Variants in NIBAN1 observed in about 807,000 individuals in gnomAD.
NIBAN1 encodes niban apoptosis regulator 1.
Under a neutral mutation model 75.1 loss-of-function variants are expected in NIBAN1, and 81 were observed. The observed-to-expected ratio is 1.08, with a 90% CI of 0.90 to 1.30. The LOEUF is 1.30. Ranked by LOEUF, NIBAN1 falls within the 50% of genes most tolerant of loss-of-function variation. The pLI is 0.00. For missense variants in NIBAN1, 1,133 were observed against 1,128.1 expected (o/e 1.00, Z -0.06); for synonymous variants, 436 against 424.8 (o/e 1.03, Z -0.32).
intron 9 of NIBAN1, among the ~76,000 whole-genome samples, chr1:184,813,420 G>T (rs1450809522): frequency 6.6e-6 from 1 of 152,146 alleles, no homozygotes. Context: ...AATTATGCAG[G>T]TCAGATAATA....
intron 1 of NIBAN1, among the ~76,000 whole-genome samples, chr1:184,915,352 A>C (rs1460972737): frequency 6.6e-6 from 1 of 152,254 alleles, no homozygotes; most frequent in Non-Finnish European, 1.5e-5. Context: ...TGACATTTGT[A>C]AGCATTAGCA....
chr1:184,858,182 TA>T (rs911560620), intron 5 of NIBAN1, among the ~76,000 whole-genome samples: 1 of 151,732 alleles, frequency 6.6e-6, no homozygotes, highest in Non-Finnish European at 1.5e-5. Flanking sequence ...AATGGAGATA[TA>T]AAAAAGAGTT....
Position 184,890,115 on chromosome 1 carries a change from G to A in NIBAN1, c.426C>T (p.Asp142=). ...YNLLSDRHFP[D]PLASSEKENT... ...GAATGATCAGCAACTCACCAAGAGG[G>A]TCTGGGAAATGCCTGTCAGACAACA... is the stretch of plus-strand genomic sequence containing the variant. The change falls in exon 4 of 14, where the codon GAC becomes GAT. Residue 142 remains aspartate (D), a synonymous_variant. Coordinates refer to ENST00000367511, the MANE Select transcript of NIBAN1 (RefSeq NM_052966.4). The A allele has an allele frequency of 1.9e-6, 3 of 1,612,234 alleles. No individual in the cohort carries two copies. The highest frequency in any genetic ancestry group is 1.1e-5 in the South Asian group (1 of 91,016).
At chr1:184,919,193 A>G (rs1366518384) in intron 1 of NIBAN1, among the ~76,000 whole-genome samples, 1 of 152,230 alleles carries the variant, frequency 6.6e-6, no homozygotes, top group Admixed American at 6.5e-5. Flanking sequence ...GAAAACAAAC[A>G]AACAAAAAAA....
intron 1 of NIBAN1, among the ~76,000 whole-genome samples, chr1:184,928,053 A>T (rs1657725268): frequency 6.6e-6 from 1 of 152,016 alleles, no homozygotes; most frequent in Admixed American, 6.6e-5. Flanking sequence ...AGGGCTCTTT[A>T]GCCAGCAGGT....
intron 1 of NIBAN1, among the ~76,000 whole-genome samples, chr1:184,957,961 T>C (rs1658532561): frequency 6.6e-6 from 1 of 152,262 alleles, no homozygotes; most frequent in Non-Finnish European, 1.5e-5. Context: ...AAGGCTGCTT[T>C]GGGCTATTCA....
At chr1:184,886,319 G>A (rs1486139863) in intron 4 of NIBAN1, among the ~76,000 whole-genome samples, 2 of 152,152 alleles carry the variant, frequency 1.3e-5, no homozygotes, top group Non-Finnish European at 2.9e-5. Context: ...TTCCCGTGCT[G>A]TTCCCCTCCG....
chr1:184,794,799 C>A lies in NIBAN1; in HGVS notation c.*178G>T, dbSNP rs1054186154. 44 of 754,938 alleles carry A rather than the reference C, an allele frequency of 5.8e-5. No homozygotes were observed. The African/African-American group carries it at 6.5e-4, about 11-fold the overall frequency. 46.8% of individuals were successfully genotyped at this position (754,938 alleles called of 1,614,324 possible). On this transcript the variant is annotated 3_prime_UTR_variant, in exon 14 of 14. Coordinates refer to ENST00000367511, the MANE Select transcript of NIBAN1 (RefSeq NM_052966.4). ...AGCAAAAATTCATCGTAGAACAATT[C>A]ATGTCCACAAAGGTTTGCCTCAGTT...
intron 1 of NIBAN1, among the ~76,000 whole-genome samples, chr1:184,956,372 G>T (rs1274941387): frequency 6.6e-6 from 1 of 152,050 alleles, no homozygotes; most frequent in Non-Finnish European, 1.5e-5. Context: ...TAGAATTCAG[G>T]CCATCCAAAC....
chr1:184,913,626 T>C (rs1202961987), intron 1 of NIBAN1, among the ~76,000 whole-genome samples: 1 of 152,202 alleles, frequency 6.6e-6, no homozygotes, highest in Non-Finnish European at 1.5e-5. Context: ...TTATTTCTTT[T>C]ATGTACATTG....
In NIBAN1 at chr1:184,845,749, G is replaced by C. The variant is rs564479837; in HGVS notation, c.602-13787C>G. 4.6e-5 allele frequency among the ~76,000 whole-genome samples: 4 copies of C among 87,646 alleles called. 1 individual carries two copies. The highest frequency in any genetic ancestry group is 2.3e-5 in the Non-Finnish European group (1 of 43,358). 57.5% of individuals were successfully genotyped at this position (87,646 alleles called of 152,430 possible). A position where few individuals can be genotyped will look rare whatever the true frequency, so the allele number is the denominator to read the frequency against. The stretch of plus-strand genomic sequence containing the variant: ...CACTAGGGAGTGCCAGACAGTGGGC[G>C]CAGGCCAGTGTGTGTGCGCACCGTG... On this transcript the variant is annotated intron_variant, in intron 5 of 13. Coordinates refer to ENST00000367511, the MANE Select transcript of NIBAN1 (RefSeq NM_052966.4).
chr1:184,945,460 C>T (rs1287299865), intron 1 of NIBAN1, among the ~76,000 whole-genome samples: 1 of 152,138 alleles, frequency 6.6e-6, no homozygotes, highest in African/African-American at 2.4e-5. Context: ...ATTCTGTCAT[C>T]AGATTTCTTT....
Position 184,884,693 on chromosome 1 carries a change from C to T in NIBAN1, c.541G>A (p.Ala181Thr), listed in dbSNP as rs1479045065. 2 of 1,614,182 alleles carry T rather than the reference C, an allele frequency of 1.2e-6. No individual in the cohort carries two copies. Among genetic ancestry groups the T allele is most frequent in the Non-Finnish European group, 1.7e-6 (2 of 1,180,018 alleles). Residue 181 changes from alanine (A) to threonine (T), a missense_variant, in exon 5 of 14, where the codon GCT becomes ACT. Coordinates refer to ENST00000367511, the MANE Select transcript of NIBAN1 (RefSeq NM_052966.4). ...FRHGYFCFHE[A>T]ADQKRFSALL... ...GCACTAAACCTCTTCTGGTCAGCAG[C>T]CTCGTGGAAGCAGAAGTAGCCGTGT...
intron 7 of NIBAN1, 40 bp from the exon 8 acceptor site, chr1:184,823,369 G>A (rs754526485): frequency 1.6e-5 from 25 of 1,608,456 alleles, no homozygotes; most frequent in Middle Eastern, 3.3e-4. Context: ...GCTCTGTCAC[G>A]TGTAAGCACT....
chr1:184,931,251 C>T (rs1431628357), intron 1 of NIBAN1, among the ~76,000 whole-genome samples: 1 of 152,082 alleles, frequency 6.6e-6, no homozygotes, highest in South Asian at 2.1e-4. Context: ...CCACCCACCT[C>T]GGCCTCCCAA....
chr1:184,885,438 G>T (rs529376608), intron 4 of NIBAN1, among the ~76,000 whole-genome samples: 34 of 152,156 alleles, frequency 2.2e-4, no homozygotes, highest in African/African-American at 7.7e-4. Context: ...GCCTCCCAAA[G>T]TGCTGGGATT....
In NIBAN1 at chr1:184,819,934, G is replaced by A. The variant is rs181024845; in HGVS notation, c.986-1109C>T. ...TGGCCTCGTTCTTATTTCAACTGGCGGAAATATTTCACAGAGTTGTGCAGG... is the reference window on the plus strand; with the variant it reads ...TGGCCTCGTTCTTATTTCAACTGGCAGAAATATTTCACAGAGTTGTGCAGG... On this transcript the variant is annotated intron_variant, in intron 8 of 13. Coordinates refer to ENST00000367511, the MANE Select transcript of NIBAN1 (RefSeq NM_052966.4). Among the ~76,000 whole-genome samples the A allele has an allele frequency of 1.8e-4, 28 of 152,234 alleles. No homozygotes were observed. The South Asian group carries it at 2.5e-3, about 14-fold the overall frequency.
intron 4 of NIBAN1, 35 bp downstream of exon 4, chr1:184,890,073 C>A: frequency 6.8e-7 from 1 of 1,479,496 alleles, no homozygotes; most frequent in South Asian, 1.1e-5. Flanking sequence ...GAAGCTTAGT[C>A]ATTTTGCCTT....
At chr1:184,961,283 A>G (rs1191166927) in intron 1 of NIBAN1, among the ~76,000 whole-genome samples, 2 of 150,212 alleles carry the variant, frequency 1.3e-5, no homozygotes, top group Non-Finnish European at 3.0e-5. Flanking sequence ...ATTAGCCAGG[A>G]TGGTCTGGGT....
Sources: gnomAD v4.1 joint callset for allele counts (sites outside exome capture counted in the v4.1 genomes callset) on GRCh38, gnomAD v4.1.1 for gene constraint, MANE v1.5 for transcripts, NCBI Gene and HGNC (gene_info 2026-07-23, HGNC 2026-07-21) for gene names.